Variants in EYS observed in about 807,000 individuals in gnomAD.
EYS encodes the protein EGF-like photoreceptor maintenance factor.
In EYS, 250 loss-of-function variants were observed where a neutral mutation model predicts 282.1. The ratio of observed to expected loss-of-function variants is 0.89; its 90% CI spans 0.80 to 0.98. The LOEUF is 0.98. EYS is among the 50% of genes least tolerant of loss of function. EYS has a pLI of 0.00. For synonymous variants in EYS, 1,355 were observed against 1,282.9 expected (o/e 1.06, Z -1.20); for missense variants, 4,016 against 3,709.0 (o/e 1.08, Z -2.15).
At chr6:64,514,761 T>A (rs117289121) in intron 26 of EYS, among the ~76,000 whole-genome samples, 2,472 of 151,880 alleles carry the variant, frequency 0.016, 23 homozygotes, top group South Asian at 0.035. Flanking sequence ...ATCATAATTG[T>A]CAAAGGAAGG....
At chr6:65,046,067 G>C (rs1773091268) in intron 13 of EYS, among the ~76,000 whole-genome samples, 4 of 151,838 alleles carry the variant, frequency 2.6e-5, no homozygotes, top group Non-Finnish European at 5.9e-5. Context: ...TCAGACTCAA[G>C]AGGTGGGATT....
At chr6:65,130,076 T>C (rs1322466482) in intron 12 of EYS, among the ~76,000 whole-genome samples, 4 of 151,894 alleles carry the variant, frequency 2.6e-5, no homozygotes, top group East Asian at 3.9e-4. Context: ...AAATACCACA[T>C]GTTCTCACTT....
intron 22 of EYS, among the ~76,000 whole-genome samples, chr6:64,803,382 G>C (rs186854498): frequency 1.3e-5 from 2 of 151,512 alleles, no homozygotes; most frequent in Non-Finnish European, 2.9e-5. Context: ...TGTGTGTGTG[G>C]GGGGGTTGGT....
intron 31 of EYS, among the ~76,000 whole-genome samples, chr6:64,098,165 GAT>G (rs1338830133): frequency 5.3e-5 from 8 of 152,258 alleles, no homozygotes; most frequent in African/African-American, 1.9e-4. Context: ...CGTTTTCCTA[GAT>G]ATTTCTAGAT....
intron 11 of EYS, among the ~76,000 whole-genome samples, chr6:65,322,200 A>G (rs949250608): frequency 8.5e-5 from 13 of 152,176 alleles, no homozygotes; most frequent in African/African-American, 3.1e-4. Flanking sequence ...GCAAGATCTA[A>G]TTATCCAGAC....
chr6:63,962,846 C>T (rs1766133804), intron 35 of EYS, among the ~76,000 whole-genome samples: 1 of 152,102 alleles, frequency 6.6e-6, no homozygotes, highest in Non-Finnish European at 1.5e-5. Context: ...ATAGCAAAGA[C>T]TTGGAACCAA....
At chr6:64,036,437 C>T (rs1454215772) in intron 33 of EYS, among the ~76,000 whole-genome samples, 3 of 152,114 alleles carry the variant, frequency 2.0e-5, no homozygotes, top group Non-Finnish European at 4.4e-5. Context: ...TTGTTCCAGA[C>T]ATTAGTGACA....
At chr6:65,339,675 A>T (rs1770126122) in intron 10 of EYS, among the ~76,000 whole-genome samples, 1 of 151,146 alleles carries the variant, frequency 6.6e-6, no homozygotes, top group African/African-American at 2.4e-5. Flanking sequence ...ACTGGAGAAG[A>T]GTTTGATCAA....
At chr6:65,528,050 A>G (rs1171343321) in intron 2 of EYS, among the ~76,000 whole-genome samples, 2 of 152,218 alleles carry the variant, frequency 1.3e-5, no homozygotes, top group Admixed American at 6.5e-5. Context: ...CTCGAGCACT[A>G]TACTTTCAGT....
intron 30 of EYS, among the ~76,000 whole-genome samples, chr6:64,247,302 A>G (rs959312377): frequency 1.3e-5 from 2 of 152,232 alleles, no homozygotes; most frequent in African/African-American, 4.8e-5. Context: ...ATAAGAACAT[A>G]TGTGCTGGCA....
At chr6:64,817,371 CA>C (rs1288717984) in intron 21 of EYS, among the ~76,000 whole-genome samples, 5 of 151,914 alleles carry the variant, frequency 3.3e-5, no homozygotes, top group African/African-American at 1.2e-4. Context: ...GAAAGAATAA[CA>C]AAAAATAGAA....
At chr6:65,577,749 TTA>T (rs1491574968) in intron 2 of EYS, among the ~76,000 whole-genome samples, 9 of 114,438 alleles carry the variant, frequency 7.9e-5, no homozygotes, top group African/African-American at 3.2e-4. Context: ...AAAGCCTGTT[TTA>T]AAAAAAAAAA....
At chr6:63,791,377 A>G (rs756386358) in intron 37 of EYS, among the ~76,000 whole-genome samples, 9 of 152,156 alleles carry the variant, frequency 5.9e-5, no homozygotes, top group Non-Finnish European at 8.8e-5. Context: ...CATCCTGGCC[A>G]TCCTGGCTAA....
chr6:64,930,463 A>T (rs1165236276), intron 15 of EYS, among the ~76,000 whole-genome samples: 3 of 15,576 alleles, frequency 1.9e-4, no homozygotes, highest in Non-Finnish European at 3.2e-4. Flanking sequence ...AAATAAGGTA[A>T]AAAAAAAAAA....
chr6:64,636,306 C>A (rs929419806), intron 22 of EYS, among the ~76,000 whole-genome samples: 1 of 152,156 alleles, frequency 6.6e-6, no homozygotes, highest in Admixed American at 6.5e-5. Flanking sequence ...ACCATCTGAT[C>A]TTTGACAAAT....
At chr6:64,814,324 TGG>T (rs1764684781) in intron 21 of EYS, among the ~76,000 whole-genome samples, 1 of 152,076 alleles carries the variant, frequency 6.6e-6, no homozygotes, top group Non-Finnish European at 1.5e-5. Flanking sequence ...TGTAACTACA[TGG>T]ATGCACAAAA....
intron 24 of EYS, among the ~76,000 whole-genome samples, chr6:64,606,164 A>G (rs1373779275): frequency 6.6e-6 from 1 of 152,054 alleles, no homozygotes; most frequent in Non-Finnish European, 1.5e-5. Context: ...TCTAAGTTCA[A>G]CAATATACAC....
intron 37 of EYS, among the ~76,000 whole-genome samples, chr6:63,798,985 G>GTATATATA (rs1211498823): frequency 0.017 from 1,466 of 87,124 alleles, 17 homozygotes; most frequent in African/African-American, 0.025. Flanking sequence ...ATGTATATGT[G>GTATATATA]TGTATATATA....
chr6:64,702,675 T>A (rs1048362213), intron 22 of EYS, among the ~76,000 whole-genome samples: 9 of 152,182 alleles, frequency 5.9e-5, no homozygotes, highest in African/African-American at 9.6e-5. Context: ...TCAAGTGCCA[T>A]AAAAAGAATA....
Sources: gnomAD v4.1 joint callset for allele counts (sites outside exome capture counted in the v4.1 genomes callset) on GRCh38, gnomAD v4.1.1 for gene constraint, MANE v1.5 for transcripts, NCBI Gene and HGNC (gene_info 2026-07-23, HGNC 2026-07-21) for gene names.